PCDHGB4: variants seen among roughly 807,000 people sequenced by gnomAD.
PCDHGB4 encodes protocadherin gamma subfamily B, 4, also known as protocadherin gamma-B4.
Under a neutral mutation model 60.5 loss-of-function variants are expected in PCDHGB4, and 38 were observed. That is an observed-to-expected ratio of 0.63 (90% CI 0.48 to 0.82). The LOEUF (loss-of-function observed/expected upper bound fraction) is 0.82. Ranked by LOEUF, PCDHGB4 falls within the 40% of genes least tolerant of loss-of-function variation. The pLI, the probability that PCDHGB4 is intolerant of heterozygous loss-of-function variation, is 0.00. For missense variants in PCDHGB4, 1,109 were observed against 1,209.6 expected, an observed-to-expected ratio of 0.92 and a Z score of 1.23; for synonymous variants, 456 against 509.7, an observed-to-expected ratio of 0.89 and a Z score of 1.42.
intron 1 of PCDHGB4, among the ~76,000 whole-genome samples, chr5:141,420,793 T>C (rs1400287885): frequency 6.6e-6 from 1 of 152,268 alleles, no homozygotes; most frequent in Non-Finnish European, 1.5e-5. Flanking sequence ...TGAAAACTTT[T>C]TAAAAATTAA....
Position 141,490,748 on chromosome 5 carries a change from C to A in PCDHGB4, c.2398-4059C>A. 3.1e-6 allele frequency: 5 copies of A among 1,614,168 alleles called. No individual in the cohort carries two copies. Among genetic ancestry groups the A allele is most frequent in the Non-Finnish European group, 3.4e-6 (4 of 1,180,006 alleles). ...GGAAATCAGGTTCAGGGAGCCCCAGCCTCCTCCTTTGTGTATGTCAACCCA... is the reference window on the plus strand; with the variant it reads ...GGAAATCAGGTTCAGGGAGCCCCAGACTCCTCCTTTGTGTATGTCAACCCA... On this transcript the variant is annotated intron_variant, in intron 1 of 3. Transcript: ENST00000519479. This position sits in a 1 kb window ranked among gnomAD's most constrained non-coding sequence, Gnocchi z 5.4.
intron 1 of PCDHGB4, among the ~76,000 whole-genome samples, chr5:141,461,248 C>A (rs1209563726): frequency 6.6e-6 from 1 of 152,038 alleles, no homozygotes; most frequent in Non-Finnish European, 1.5e-5. Context: ...AATTTATATT[C>A]CCAGCAGCAA....
chr5:141,456,746 T>C (rs548254725), intron 1 of PCDHGB4, among the ~76,000 whole-genome samples: 51 of 151,874 alleles, frequency 3.4e-4, no homozygotes, highest in African/African-American at 1.0e-3. Context: ...GGGAGCATCA[T>C]GAGGTCAGGA....
At chr5:141,406,382 G>C (rs189693155) in intron 1 of PCDHGB4, among the ~76,000 whole-genome samples, 1 of 152,114 alleles carries the variant, frequency 6.6e-6, no homozygotes, top group Non-Finnish European at 1.5e-5. Context: ...TGATAAAAAG[G>C]TAAATGTATT....
chr5:141,441,885 CA>C, intron 1 of PCDHGB4: 1 of 345,036 alleles, frequency 2.9e-6, no homozygotes. Context: ...ACCTGGTCAC[CA>C]AGGTGGTGGC....
intron 1 of PCDHGB4, among the ~76,000 whole-genome samples, chr5:141,473,706 G>C (rs1241009670): frequency 6.6e-6 from 1 of 152,186 alleles, no homozygotes; most frequent in African/African-American, 2.4e-5. Context: ...CCTCCAAGTG[G>C]TGCAATGGAA....
At position 141,460,518 on chromosome 5, in the gene PCDHGB4, C is replaced by T. The variant is rs190277142; in HGVS notation, c.2398-34289C>T. ...AAATATGCTGAGAAGGCTATCTTTT[C>T]CCCACCAAATAATCTTAGCACCTTA... On this transcript the variant is annotated intron_variant, in intron 1 of 3. Coordinates refer to ENST00000519479, the MANE Select transcript of PCDHGB4 (RefSeq NM_003736.4). Among the ~76,000 whole-genome samples, 53 of 152,196 alleles carry T rather than the reference C, an allele frequency of 3.5e-4. 1 individual carries two copies. Among genetic ancestry groups the T allele is most frequent in the African/African-American group, 1.2e-3 (50 of 41,522 alleles).
intron 1 of PCDHGB4, chr5:141,398,136 C>G: frequency 6.4e-7 from 1 of 1,556,004 alleles, no homozygotes; most frequent in Non-Finnish European, 8.6e-7. Flanking sequence ...GGATGGGGAG[C>G]GGCGCCGGGG....
At chr5:141,441,087 TGACA>T (rs1168679217) in intron 1 of PCDHGB4, 1 of 152,174 alleles carries the variant, frequency 6.6e-6, no homozygotes, top group Non-Finnish European at 1.5e-5. Flanking sequence ...TGGTAGCAAG[TGACA>T]GAGAGGGACT....
intron 1 of PCDHGB4, among the ~76,000 whole-genome samples, chr5:141,478,961 C>T (rs887338339): frequency 6.6e-6 from 1 of 152,206 alleles, no homozygotes; most frequent in Non-Finnish European, 1.5e-5. Context: ...CCTCATTCCT[C>T]CACCTTTCAA....
At chr5:141,409,212 T>C (rs751644523) in intron 1 of PCDHGB4, 1 of 1,613,924 alleles carries the variant, frequency 6.2e-7, no homozygotes, top group Non-Finnish European at 8.5e-7. Context: ...ATCATAGAAA[T>C]CCTTGATGAA....
Position 141,485,172 on chromosome 5 carries a change from C to A in PCDHGB4, c.2398-9635C>A. ...CAAGTAGAGAATTAGCGGGCGGCAG[C>A]AATGCTCCGCAAGGTGAGAAGCTGG... On this transcript the variant is annotated intron_variant, in intron 1 of 3. Transcript: ENST00000519479. The surrounding 1 kb of genome is among the most constrained non-coding windows in gnomAD (Gnocchi z 5.7). 6.2e-7 allele frequency: 1 copy of A among 1,610,164 alleles called. No individual in the cohort carries two copies. The highest frequency in any genetic ancestry group is 8.5e-7 in the Non-Finnish European group (1 of 1,176,940).
intron 1 of PCDHGB4, chr5:141,421,199 A>C (rs991814876): frequency 2.0e-6 from 3 of 1,514,716 alleles, no homozygotes; most frequent in Non-Finnish European, 2.6e-6. Context: ...CAGCTCGAGA[A>C]ACCGCGGAAT....
chr5:141,501,290 T>TACACATACACAC (rs1224133816), intron 2 of PCDHGB4, among the ~76,000 whole-genome samples: 9 of 136,158 alleles, frequency 6.6e-5, no homozygotes, highest in Admixed American at 1.6e-4. Context: ...TATTCCCTTA[T>TACACATACACAC]ACACACACAC....
intron 1 of PCDHGB4, chr5:141,415,059 C>A: frequency 1.2e-6 from 2 of 1,613,396 alleles, no homozygotes; most frequent in Non-Finnish European, 1.7e-6. Flanking sequence ...AGCACACGGG[C>A]GAGGTGCGCA....
At chr5:141,398,014 C>G in intron 1 of PCDHGB4, 1 of 1,420,276 alleles carries the variant, frequency 7.0e-7, no homozygotes, top group Non-Finnish European at 9.4e-7. Flanking sequence ...AGAATCGTTT[C>G]CTAAACTGGA....
Position 141,388,674 on chromosome 5 carries a change from G to A in PCDHGB4, c.790G>A (p.Val264Met). Residue 264 changes from valine (V) to methionine (M), a missense_variant, in exon 1 of 4, where the codon GTG becomes ATG. Physicochemically the swap from Val to Met is conservative, Grantham distance 21. Coordinates refer to ENST00000519479, the MANE Select transcript of PCDHGB4 (RefSeq NM_003736.4). ...GTACCCGGGGACCACGGTGCTACAG[G>A]TGACTGCCACGGACCAGGATGAGGG... ...NVYPGTTVLQ[V>M]TATDQDEGVN... is the part of the protein sequence containing the mutation. 1.2e-6 allele frequency: 2 copies of A among 1,613,940 alleles called. No homozygotes were observed. The highest frequency in any genetic ancestry group is 8.5e-7 in the Non-Finnish European group (1 of 1,179,876).
At chr5:141,414,452 T>G in intron 1 of PCDHGB4, 1 of 1,613,886 alleles carries the variant, frequency 6.2e-7, no homozygotes, top group Non-Finnish European at 8.5e-7. Context: ...AATATCACAG[T>G]GACAGCCACA....
At chr5:141,404,142 CAGA>C (rs781433913) in intron 1 of PCDHGB4, 21 of 1,612,668 alleles carry the variant, frequency 1.3e-5, no homozygotes, top group Middle Eastern at 1.6e-4. Context: ...TTAGAAAATT[CAGA>C]AGAAGATTAT....
Sources: gnomAD v4.1 joint callset for allele counts (sites outside exome capture counted in the v4.1 genomes callset) on GRCh38, gnomAD v4.1.1 for gene constraint, Gnocchi (gnomAD v3.1) non-coding constraint, MANE v1.5 for transcripts, NCBI Gene and HGNC (gene_info 2026-07-23, HGNC 2026-07-21) for gene names.